The following CNTNAP4 variants were observed in gnomAD, a reference collection of about 807,000 sequenced individuals.
CNTNAP4 encodes the protein contactin-associated protein-like 4.
CNTNAP4 carries 98 observed loss-of-function variants against 148.4 expected under a neutral mutation model. That is an observed-to-expected ratio of 0.66 (90% CI 0.56 to 0.78). The LOEUF (loss-of-function observed/expected upper bound fraction) is 0.78, where lower values mean the gene tolerates loss of function less well. Among genes scored for constraint, CNTNAP4 ranks in the 30% least tolerant of loss-of-function variants. The pLI is 0.00. For synonymous variants in CNTNAP4, 730 were observed against 565.1 expected, an observed-to-expected ratio of 1.29 and a Z score of -4.14; for missense variants, 1,935 against 1,565.6, an observed-to-expected ratio of 1.24 and a Z score of -3.98.
chr16:76,432,480 T>G (rs866490305), intron 4 of CNTNAP4: 1 of 152,130 alleles, frequency 6.6e-6, no homozygotes, highest in South Asian at 2.1e-4. Flanking sequence ...ATCTTGGCCA[T>G]AGCAGCAGTG....
At chr16:76,314,540 A>T (rs1448033611) in intron 1 of CNTNAP4, among the ~76,000 whole-genome samples, 1 of 152,214 alleles carries the variant, frequency 6.6e-6, no homozygotes, top group Non-Finnish European at 1.5e-5. Context: ...AATTTTCTTA[A>T]CTACTACATT....
chr16:76,535,523 A>G (rs2084176835), intron 17 of CNTNAP4, 22 bp from the exon 18 acceptor site: 1 of 1,609,982 alleles, frequency 6.2e-7, no homozygotes, highest in East Asian at 2.2e-5. Context: ...ACATGTTTCC[A>G]TTTGCAGTAT....
At chr16:76,360,064 G>C (rs1221488306) in intron 3 of CNTNAP4, among the ~76,000 whole-genome samples, 2 of 152,176 alleles carry the variant, frequency 1.3e-5, no homozygotes, top group African/African-American at 4.8e-5. Context: ...CCCAAGAATA[G>C]TTTGCTTTAT....
intron 3 of CNTNAP4, among the ~76,000 whole-genome samples, chr16:76,422,027 A>C (rs187873529): frequency 9.2e-5 from 14 of 152,296 alleles, no homozygotes; most frequent in Admixed American, 8.5e-4. Context: ...ATATTTGAAA[A>C]AGAAATTAGT....
intron 3 of CNTNAP4, among the ~76,000 whole-genome samples, chr16:76,384,669 G>A (rs756426135): frequency 7.9e-5 from 12 of 152,124 alleles, no homozygotes; most frequent in East Asian, 1.9e-4. Flanking sequence ...CATGGTAGGC[G>A]ATTGGAAGTG....
intron 1 of CNTNAP4, among the ~76,000 whole-genome samples, chr16:76,293,899 C>A (rs373292514): frequency 5.3e-5 from 8 of 151,206 alleles, no homozygotes; most frequent in African/African-American, 1.9e-4. Context: ...TGGTTTGAAC[C>A]GAGAATTGTA....
intron 23 of CNTNAP4, 66 bp downstream of exon 23, chr16:76,553,973 C>A (rs1309520330): frequency 3.9e-6 from 4 of 1,035,158 alleles, no homozygotes; most frequent in Middle Eastern, 2.0e-4. Flanking sequence ...GAATATTTAG[C>A]ATTGTAGAAA....
At chr16:76,547,902 A>C (rs1361399411) in intron 21 of CNTNAP4, among the ~76,000 whole-genome samples, 1 of 152,236 alleles carries the variant, frequency 6.6e-6, no homozygotes, top group Non-Finnish European at 1.5e-5. Flanking sequence ...ATTTTAAGTA[A>C]AACCAGCTTC....
chr16:76,307,539 T>TATATAC (rs558814796), intron 1 of CNTNAP4, among the ~76,000 whole-genome samples: 4,197 of 119,060 alleles, frequency 0.035, 411 homozygotes, highest in East Asian at 0.098. Context: ...TATATATATA[T>TATATAC]ACCAAACTCC....
chr16:76,451,792 G>A (rs2080492100), intron 7 of CNTNAP4, among the ~76,000 whole-genome samples: 1 of 151,936 alleles, frequency 6.6e-6, no homozygotes, highest in South Asian at 2.1e-4. Flanking sequence ...GAAAGAAGAG[G>A]GGCAATAAAT....
chr16:76,486,217 A>G (rs954549582), intron 12 of CNTNAP4, among the ~76,000 whole-genome samples: 1 of 151,956 alleles, frequency 6.6e-6, no homozygotes, highest in Non-Finnish European at 1.5e-5. Context: ...TTACCCTACC[A>G]CTCTTTTTGC....
rs1189173428 is a variant in CNTNAP4, at chr16:76,462,121, AGG to A, written c.1483+17_1483+18del. 1 of 1,605,832 alleles carries A rather than the reference AGG, an allele frequency of 6.2e-7. No individual in the cohort carries two copies. The highest frequency in any genetic ancestry group is 8.5e-7 in the Non-Finnish European group (1 of 1,174,712). The stretch of plus-strand genomic sequence containing the variant: ...TATTTTGGAGGTAAGAATAGGTGCC[AGG>A]CTCTATGAGCAACTGAACCATATTT... On this transcript the variant is annotated intron_variant, in intron 9 of 23. Transcript: ENST00000611870.
chr16:76,489,986 C>T (rs1177237973), intron 13 of CNTNAP4, 103 bp downstream of exon 13: 2 of 634,704 alleles, frequency 3.2e-6, no homozygotes, highest in African/African-American at 3.6e-5. Context: ...TGTCTAGCCA[C>T]TGAGGGTATA....
chr16:76,430,518 C>T (rs924470624), intron 4 of CNTNAP4, among the ~76,000 whole-genome samples: 10 of 152,106 alleles, frequency 6.6e-5, no homozygotes, highest in African/African-American at 1.7e-4. Context: ...ACTGTTCTCC[C>T]GAAATCCCTA....
At chr16:76,355,839 CT>C (rs1286678738) in intron 3 of CNTNAP4, among the ~76,000 whole-genome samples, 10 of 142,236 alleles carry the variant, frequency 7.0e-5, no homozygotes, top group African/African-American at 2.6e-4. Context: ...CTTGCATTGT[CT>C]TTTATTTATT....
intron 14 of CNTNAP4, among the ~76,000 whole-genome samples, chr16:76,496,894 A>T (rs1408396982): frequency 6.6e-6 from 1 of 152,238 alleles, no homozygotes; most frequent in Admixed American, 6.5e-5. Flanking sequence ...CTTTACAGCA[A>T]CTATTATAAA....
At chr16:76,286,174 AGTGTGTGTGTGTGTGTGT>A (rs57003243) in intron 1 of CNTNAP4, among the ~76,000 whole-genome samples, 8 of 134,912 alleles carry the variant, frequency 5.9e-5, no homozygotes, top group Non-Finnish European at 8.0e-5. Context: ...TAGAATTATC[AGTGTGTGTGTGTGTGTGT>A]GTGTGTGTGT....
chr16:76,454,546 T>G (rs1442922784), intron 8 of CNTNAP4, among the ~76,000 whole-genome samples: 7 of 152,344 alleles, frequency 4.6e-5, no homozygotes, highest in Admixed American at 4.6e-4. Flanking sequence ...ACACTGAGGA[T>G]AACACAAGTA....
At chr16:76,475,876 A>G (rs1299411871) in intron 10 of CNTNAP4, 63 bp from the exon 11 acceptor site, 4 of 1,113,494 alleles carry the variant, frequency 3.6e-6, no homozygotes, top group Admixed American at 3.7e-5. Flanking sequence ...CCAAGTATAA[A>G]TGGTCAATAC....
Sources: gnomAD v4.1 joint callset for allele counts (sites outside exome capture counted in the v4.1 genomes callset) on GRCh38, gnomAD v4.1.1 for gene constraint, MANE v1.5 for transcripts, NCBI Gene and HGNC (gene_info 2026-07-23, HGNC 2026-07-21) for gene names.